DIP2C: variants seen among roughly 807,000 people sequenced by gnomAD.
The protein encoded by DIP2C is DIP2 acetate--CoA ligase C (putative), also known as disco-interacting protein 2 homolog C.
In DIP2C, 33 loss-of-function variants were observed where a neutral mutation model predicts 192.4. That is an observed-to-expected ratio of 0.17 (90% confidence interval 0.13 to 0.23). The LOEUF (loss-of-function observed/expected upper bound fraction) is 0.23. Among genes scored for constraint, DIP2C ranks in the 10% least tolerant of loss-of-function variants. The pLI is 1.00. For missense variants in DIP2C, 1,537 were observed against 2,110.1 expected, an observed-to-expected ratio of 0.73 and a Z score of 5.32; for synonymous variants, 979 against 864.1, an observed-to-expected ratio of 1.13 and a Z score of -2.33.
intron 1 of DIP2C, among the ~76,000 whole-genome samples, chr10:659,035 ACATT>A (rs1239136542): frequency 1.3e-5 from 2 of 152,070 alleles, no homozygotes; most frequent in African/African-American, 4.8e-5. Context: ...TCACATAATC[ACATT>A]CATAATACCA....
At chr10:547,273 T>A (rs1848334574) in intron 1 of DIP2C, among the ~76,000 whole-genome samples, 1 of 152,184 alleles carries the variant, frequency 6.6e-6, no homozygotes, top group African/African-American at 2.4e-5. Context: ...GGAGGGCTCC[T>A]GCAGCTCCAG....
chr10:344,300 G>C (rs950667949), intron 28 of DIP2C, among the ~76,000 whole-genome samples: 2 of 150,232 alleles, frequency 1.3e-5, no homozygotes, highest in African/African-American at 4.9e-5. Flanking sequence ...CAGAGCGTGA[G>C]AACTGTGCGA....
chr10:367,070 C>T (rs9787422), intron 18 of DIP2C, among the ~76,000 whole-genome samples: 34,949 of 152,130 alleles, frequency 0.23, 4,156 homozygotes, highest in Middle Eastern at 0.31. Context: ...AGCCGGCACC[C>T]GCTGGGCTGG....
At chr10:487,162 C>T (rs1472410460) in intron 1 of DIP2C, among the ~76,000 whole-genome samples, 3 of 152,126 alleles carry the variant, frequency 2.0e-5, no homozygotes, top group Non-Finnish European at 2.9e-5. Context: ...CTGGAGCCAG[C>T]GCAAGCACAC....
At position 689,413 on chromosome 10, in the gene DIP2C, G is replaced by T; in HGVS notation, c.85+81C>A. On this transcript the variant is annotated intron_variant, in intron 1 of 36. Coordinates refer to ENST00000280886, the MANE Select transcript of DIP2C (RefSeq NM_014974.3). This position sits in a 1 kb window ranked among gnomAD's most constrained non-coding sequence, Gnocchi z 6.1. ...CTCCGGGCCCGGCCCCCGCCCCGCC[G>T]CAGGCCCCGCGCCCCCAGCCCTCCG... 2 of 829,946 alleles carry T rather than the reference G, an allele frequency of 2.4e-6. No homozygotes were observed. Among genetic ancestry groups the T allele is most frequent in the Non-Finnish European group, 2.9e-6 (2 of 685,874 alleles). 51.4% of individuals were successfully genotyped at this position (829,946 alleles called of 1,614,324 possible).
intron 31 of DIP2C, among the ~76,000 whole-genome samples, chr10:323,953 AT>A (rs1259276094): frequency 6.6e-6 from 1 of 151,864 alleles, no homozygotes; most frequent in East Asian, 1.9e-4. Flanking sequence ...AATTTTGCAG[AT>A]TCTAGAAAAT....
intron 1 of DIP2C, among the ~76,000 whole-genome samples, chr10:542,824 G>T (rs367897683): frequency 5.9e-5 from 9 of 151,554 alleles, no homozygotes; most frequent in African/African-American, 1.7e-4. Context: ...GGAGTGGGGG[G>T]TTCTGACCCT....
intron 23 of DIP2C, among the ~76,000 whole-genome samples, chr10:357,440 G>C (rs573892363): frequency 6.2e-4 from 95 of 152,354 alleles, no homozygotes; most frequent in African/African-American, 2.0e-3. Flanking sequence ...AGGGGACCGT[G>C]CGCGGGACAA....
In DIP2C at chr10:419,105, C is replaced by A; in HGVS notation, c.699G>T (p.Ala233=). 2 of 1,614,276 alleles carry A rather than the reference C, an allele frequency of 1.2e-6. No individual in the cohort carries two copies. The highest frequency in any genetic ancestry group is 1.7e-6 in the Non-Finnish European group (2 of 1,180,052). The change falls in exon 6 of 37, where the codon GCG becomes GCT. Residue 233 remains alanine, a synonymous_variant. Coordinates refer to ENST00000280886, the MANE Select transcript of DIP2C (RefSeq NM_014974.3). ...TGAGCTCGGCGTTGCCGTACTTGGG[C>A]GCTGTCCGGGACCCCGTGGAACCCT... ...RPQGSTGSRT[A]PKYGNAELME...
intron 30 of DIP2C, 137 bp downstream of exon 30, chr10:329,296 A>G: frequency 1.2e-6 from 1 of 868,804 alleles, no homozygotes; most frequent in Non-Finnish European, 1.6e-6. Flanking sequence ...GCAGTTTGTA[A>G]GCTTCAGGTG....
intron 3 of DIP2C, among the ~76,000 whole-genome samples, chr10:445,112 C>T (rs546032618): frequency 2.6e-5 from 4 of 152,238 alleles, no homozygotes; most frequent in South Asian, 4.1e-4. Context: ...GAAGTGGAAC[C>T]TCATGGGTTT....
At chr10:581,699 C>A (rs1850674304) in intron 1 of DIP2C, among the ~76,000 whole-genome samples, 1 of 152,090 alleles carries the variant, frequency 6.6e-6, no homozygotes, top group African/African-American at 2.4e-5. Context: ...AGGCAGTGAG[C>A]CGGGGCTGGC....
At chr10:673,603 C>T (rs1830748100) in intron 1 of DIP2C, among the ~76,000 whole-genome samples, 1 of 152,200 alleles carries the variant, frequency 6.6e-6, no homozygotes, top group African/African-American at 2.4e-5. Flanking sequence ...ACGGGGCCAT[C>T]CAAGAATGGC....
At chr10:673,939 A>G (rs1264207913) in intron 1 of DIP2C, among the ~76,000 whole-genome samples, 1 of 152,258 alleles carries the variant, frequency 6.6e-6, no homozygotes. Context: ...GCTGTTCCTA[A>G]TAACAGGAAA....
At chr10:395,505 C>T (rs1410249668) in intron 10 of DIP2C, among the ~76,000 whole-genome samples, 3 of 152,232 alleles carry the variant, frequency 2.0e-5, no homozygotes, top group Non-Finnish European at 4.4e-5. Flanking sequence ...AGGGGAGGGT[C>T]TCTGTACTTC....
intron 1 of DIP2C, among the ~76,000 whole-genome samples, chr10:497,707 G>A (rs1207109347): frequency 3.9e-5 from 6 of 152,298 alleles, no homozygotes; most frequent in Middle Eastern, 3.4e-3. Flanking sequence ...AGAAGCGTCC[G>A]GTAATGTTAG....
At chr10:341,813 C>T (rs1051904106) in intron 28 of DIP2C, among the ~76,000 whole-genome samples, 1 of 152,110 alleles carries the variant, frequency 6.6e-6, no homozygotes, top group Non-Finnish European at 1.5e-5. Flanking sequence ...CAGGAGTTCC[C>T]GGCTGCAGTG....
At chr10:673,712 G>A (rs2119037336) in intron 1 of DIP2C, among the ~76,000 whole-genome samples, 2 of 152,048 alleles carry the variant, frequency 1.3e-5, no homozygotes, top group Middle Eastern at 3.4e-3. Context: ...GTCCTTGTTT[G>A]ACTTACACAC....
At chr10:287,167 A>T (rs1337323653) in intron 33 of DIP2C, among the ~76,000 whole-genome samples, 1 of 151,988 alleles carries the variant, frequency 6.6e-6, no homozygotes, top group Non-Finnish European at 1.5e-5. Context: ...GCATGATCAC[A>T]GCTTACTGTA....
Sources: allele counts gnomAD v4.1 joint callset (sites outside exome capture counted in the v4.1 genomes callset), GRCh38; gene constraint gnomAD v4.1.1; non-coding constraint Gnocchi (gnomAD v3.1); transcripts MANE v1.5; gene names NCBI Gene and HGNC (gene_info 2026-07-23, HGNC 2026-07-21).